Variants in UBE2R2 observed in about 807,000 individuals in gnomAD.
The protein encoded by UBE2R2 is ubiquitin conjugating enzyme E2 R2, also known as ubiquitin-conjugating enzyme E2 R2.
Under a neutral mutation model 27.8 loss-of-function variants are expected in UBE2R2, and 1 was observed. That is an observed-to-expected ratio of 0.04 (90% CI 0.01 to 0.17). UBE2R2 has a LOEUF of 0.17. Ranked by LOEUF, UBE2R2 falls within the 10% of genes least tolerant of loss-of-function variation. The probability of loss-of-function intolerance (pLI) is 1.00; values close to 1 mark genes in which losing one functional copy is unlikely to be tolerated. For synonymous variants in UBE2R2, 106 were observed against 113.3 expected (o/e 0.94, Z 0.41); for missense variants, 100 against 291.0 (o/e 0.34, Z 4.78).
intron 3 of UBE2R2, among the ~76,000 whole-genome samples, chr9:33,908,500 A>G (rs376071082): frequency 1.5e-5 from 2 of 129,224 alleles, no homozygotes; most frequent in Admixed American, 1.4e-4. Flanking sequence ...TCAGACAGAA[A>G]AAAGATCCTG....
chr9:33,867,567 G>A (rs1356146701), intron 1 of UBE2R2, among the ~76,000 whole-genome samples: 3 of 152,114 alleles, frequency 2.0e-5, no homozygotes, highest in Non-Finnish European at 4.4e-5. Context: ...TTGCATCTTT[G>A]CTAGTCTTTT....
chr9:33,874,931 G>C (rs1034198464), intron 1 of UBE2R2, among the ~76,000 whole-genome samples: 12 of 151,994 alleles, frequency 7.9e-5, no homozygotes, highest in Non-Finnish European at 1.5e-5. Context: ...GCCTCGCAAG[G>C]TGCTGGGATT....
chr9:33,857,368 G>C (rs1362526536), intron 1 of UBE2R2, among the ~76,000 whole-genome samples: 1 of 151,876 alleles, frequency 6.6e-6, no homozygotes, highest in Non-Finnish European at 1.5e-5. Context: ...GCCCAGGCTG[G>C]AGTGCGGTGG....
intron 3 of UBE2R2, among the ~76,000 whole-genome samples, chr9:33,902,635 T>C (rs1030077993): frequency 1.3e-5 from 2 of 152,230 alleles, no homozygotes; most frequent in African/African-American, 4.8e-5. Flanking sequence ...ACATAATTTA[T>C]CTTGGGTTCT....
chr9:33,856,882 C>CTA (rs1563989920), intron 1 of UBE2R2, among the ~76,000 whole-genome samples: 8 of 139,648 alleles, frequency 5.7e-5, no homozygotes, highest in Non-Finnish European at 1.2e-4. Context: ...TCCTTCCTTC[C>CTA]TTTCACTTTT....
chr9:33,829,321 G>C (rs1354309867), intron 1 of UBE2R2, among the ~76,000 whole-genome samples: 1 of 152,168 alleles, frequency 6.6e-6, no homozygotes, highest in Non-Finnish European at 1.5e-5. Flanking sequence ...GGTGGGAATG[G>C]TGCCAATATT....
intron 2 of UBE2R2, among the ~76,000 whole-genome samples, chr9:33,896,450 T>A (rs531717866): frequency 1.4e-5 from 2 of 143,538 alleles, no homozygotes; most frequent in Admixed American, 7.0e-5. Context: ...GTTTTTTTGG[T>A]TTTTTTTTTT....
At chr9:33,842,868 A>G (rs1484914050) in intron 1 of UBE2R2, among the ~76,000 whole-genome samples, 3 of 151,984 alleles carry the variant, frequency 2.0e-5, no homozygotes, top group East Asian at 1.9e-4. Context: ...TGAAGCTGCA[A>G]TTTGAGCTCA....
intron 1 of UBE2R2, among the ~76,000 whole-genome samples, chr9:33,843,882 A>G (rs1412415419): frequency 6.6e-6 from 1 of 152,228 alleles, no homozygotes; most frequent in East Asian, 1.9e-4. Flanking sequence ...GGGTTTTACC[A>G]CTGCATAAGT....
chr9:33,887,651 TTTGTTTG>T (rs1821891823), intron 2 of UBE2R2, among the ~76,000 whole-genome samples: 1 of 15,494 alleles, frequency 6.5e-5, no homozygotes, highest in African/African-American at 3.3e-4. Context: ...TGCTTTTTTG[TTTGTTTG>T]TTTGTTTGTT....
chr9:33,888,219 C>T (rs1821905919), intron 2 of UBE2R2, among the ~76,000 whole-genome samples: 1 of 152,106 alleles, frequency 6.6e-6, no homozygotes, highest in Admixed American at 6.6e-5. Flanking sequence ...CTATAATGCT[C>T]ATTATATACA....
intron 1 of UBE2R2, among the ~76,000 whole-genome samples, chr9:33,864,578 C>T (rs1821317533): frequency 6.6e-6 from 1 of 152,110 alleles, no homozygotes; most frequent in Non-Finnish European, 1.5e-5. Flanking sequence ...GAGATGGTGT[C>T]TTGCTTTGTC....
intron 1 of UBE2R2, among the ~76,000 whole-genome samples, chr9:33,864,834 C>T (rs981492039): frequency 6.6e-6 from 1 of 151,786 alleles, no homozygotes; most frequent in Non-Finnish European, 1.5e-5. Context: ...AAGCAATTCT[C>T]CCGCCTCAGC....
chr9:33,861,287 G>A (rs1441605671), intron 1 of UBE2R2, among the ~76,000 whole-genome samples: 1 of 151,344 alleles, frequency 6.6e-6, no homozygotes, highest in African/African-American at 2.4e-5. Flanking sequence ...TAAAAAGCAG[G>A]CCGGGGTTGG....
In UBE2R2 at chr9:33,888,618, G is replaced by A. The variant is rs372818377; in HGVS notation, c.264+1651G>A. On this transcript the variant is annotated intron_variant, in intron 2 of 4. Transcript: ENST00000263228. Reference sequence around the variant, plus strand: ...CTGAACCTCCACCTCCTGGGTTCAAGCGATTCTCCTGTCTCAGCTTCTTGG... The same window carrying A: ...CTGAACCTCCACCTCCTGGGTTCAAACGATTCTCCTGTCTCAGCTTCTTGG... Among the ~76,000 whole-genome samples the A allele has an allele frequency of 3.3e-5, 5 of 152,302 alleles. No homozygotes were observed. The South Asian group carries it at 1.0e-3, about 32-fold the overall frequency.
chr9:33,887,005 T>C, intron 2 of UBE2R2, 38 bp downstream of exon 2: 1 of 1,545,464 alleles, frequency 6.5e-7, no homozygotes, highest in Non-Finnish European at 8.7e-7. Flanking sequence ...CTGAAGATTT[T>C]TTTTTTTAAA....
chr9:33,894,534 A>G (rs1822055633), intron 2 of UBE2R2, among the ~76,000 whole-genome samples: 2 of 151,978 alleles, frequency 1.3e-5, no homozygotes, highest in African/African-American at 4.8e-5. Flanking sequence ...CCTAGACCCA[A>G]GCAGTCCTCC....
At chr9:33,842,660 ATATT>A (rs1820755125) in intron 1 of UBE2R2, among the ~76,000 whole-genome samples, 1 of 152,046 alleles carries the variant, frequency 6.6e-6, no homozygotes, top group African/African-American at 2.4e-5. Flanking sequence ...TTTCATTGTG[ATATT>A]TATTGCTTGG....
intron 1 of UBE2R2, among the ~76,000 whole-genome samples, chr9:33,833,795 T>C (rs1178890441): frequency 2.6e-5 from 4 of 152,222 alleles, no homozygotes; most frequent in African/African-American, 4.8e-5. Flanking sequence ...TAGTAACTAA[T>C]TTTTCCCCCT....
Sources: allele counts gnomAD v4.1 joint callset (sites outside exome capture counted in the v4.1 genomes callset), GRCh38; gene constraint gnomAD v4.1.1; transcripts MANE v1.5; gene names NCBI Gene and HGNC (gene_info 2026-07-23, HGNC 2026-07-21).